The following HHAT variants were observed in gnomAD, a reference collection of about 807,000 sequenced individuals.
HHAT encodes protein-cysteine N-palmitoyltransferase HHAT.
A neutral mutation model predicts 70.8 loss-of-function variants in HHAT; 47 were observed. The observed-to-expected ratio is 0.66, with a 90% CI of 0.53 to 0.85. The LOEUF (loss-of-function observed/expected upper bound fraction) is 0.85. Ranked by LOEUF, HHAT falls within the 40% of genes least tolerant of loss-of-function variation. The pLI is 0.00. For missense variants in HHAT, 609 were observed against 604.8 expected, an observed-to-expected ratio of 1.01 and a Z score of -0.07; for synonymous variants, 228 against 247.6, an observed-to-expected ratio of 0.92 and a Z score of 0.74.
chr1:210,546,843 C>T (rs143832132), intron 9 of HHAT, among the ~76,000 whole-genome samples: 25 of 152,136 alleles, frequency 1.6e-4, no homozygotes, highest in African/African-American at 5.3e-4. Context: ...AAAGTCCAAG[C>T]GACAGACTTG....
At chr1:210,558,164 A>G (rs2095589592) in intron 9 of HHAT, among the ~76,000 whole-genome samples, 1 of 152,160 alleles carries the variant, frequency 6.6e-6, no homozygotes, top group Non-Finnish European at 1.5e-5. Flanking sequence ...TTCCCATAAC[A>G]CCTAACACAG....
intron 9 of HHAT, among the ~76,000 whole-genome samples, chr1:210,566,085 A>G (rs971867886): frequency 5.3e-5 from 8 of 152,144 alleles, no homozygotes; most frequent in Admixed American, 5.2e-4. Context: ...TGGATACTTT[A>G]TCTAGATCTG....
At chr1:210,459,350 A>G (rs1241535152) in intron 7 of HHAT, among the ~76,000 whole-genome samples, 3 of 152,192 alleles carry the variant, frequency 2.0e-5, no homozygotes, top group African/African-American at 7.2e-5. Context: ...AAGGTGAATT[A>G]TTCATTCAGT....
chr1:210,474,649 A>G (rs1430777250), intron 8 of HHAT, among the ~76,000 whole-genome samples: 2 of 152,014 alleles, frequency 1.3e-5, no homozygotes, highest in African/African-American at 2.4e-5. Context: ...TAAAATGTAA[A>G]TGTTGCCATT....
intron 8 of HHAT, among the ~76,000 whole-genome samples, chr1:210,501,005 C>G (rs534878149): frequency 2.0e-5 from 3 of 152,338 alleles, no homozygotes; most frequent in African/African-American, 7.2e-5. Flanking sequence ...CCTCTCCTGC[C>G]CTCCCCCATG....
At chr1:210,647,417 C>T (rs1174620991) in intron 11 of HHAT, among the ~76,000 whole-genome samples, 1 of 152,186 alleles carries the variant, frequency 6.6e-6, no homozygotes, top group Non-Finnish European at 1.5e-5. Flanking sequence ...TGGTCCTTTT[C>T]CCCATTCCAC....
chr1:210,632,155 A>C (rs1670991036), intron 11 of HHAT, among the ~76,000 whole-genome samples: 2 of 152,218 alleles, frequency 1.3e-5, no homozygotes, highest in African/African-American at 4.8e-5. Context: ...CATGGAAAAG[A>C]GTGTGTTACG....
At chr1:210,497,684 C>T (rs1268061429) in intron 8 of HHAT, among the ~76,000 whole-genome samples, 1 of 151,990 alleles carries the variant, frequency 6.6e-6, no homozygotes, top group African/African-American at 2.4e-5. Flanking sequence ...GGAGGATGTG[C>T]TGTTTTCAGT....
intron 11 of HHAT, among the ~76,000 whole-genome samples, chr1:210,635,500 G>T (rs190181471): frequency 6.6e-5 from 10 of 152,148 alleles, no homozygotes; most frequent in Admixed American, 3.3e-4. Context: ...AGTACTAGGC[G>T]CAGGGTGATC....
intron 2 of HHAT, among the ~76,000 whole-genome samples, chr1:210,352,869 C>T (rs1348364727): frequency 6.6e-6 from 1 of 151,922 alleles, no homozygotes; most frequent in Admixed American, 6.6e-5. Flanking sequence ...GGCTAATCCA[C>T]AGCTGTTGCA....
chr1:210,360,435 C>T (rs1027319225), intron 2 of HHAT, among the ~76,000 whole-genome samples: 9 of 151,912 alleles, frequency 5.9e-5, no homozygotes, highest in African/African-American at 1.9e-4. Context: ...CTCAGCCTCC[C>T]GAGTAGCTGG....
intron 11 of HHAT, among the ~76,000 whole-genome samples, chr1:210,654,280 C>T (rs1479370096): frequency 8.8e-6 from 1 of 113,516 alleles, no homozygotes; most frequent in Non-Finnish European, 1.9e-5. Flanking sequence ...AGAATCAAGG[C>T]AGTCCCCATT....
At chr1:210,460,230 C>T (rs1391643574) in intron 7 of HHAT, among the ~76,000 whole-genome samples, 4 of 152,164 alleles carry the variant, frequency 2.6e-5, no homozygotes, top group Non-Finnish European at 5.9e-5. Context: ...CAGATTTACT[C>T]TTGCTGGGGG....
intron 6 of HHAT, among the ~76,000 whole-genome samples, chr1:210,406,847 T>A (rs966273391): frequency 2.6e-5 from 4 of 152,210 alleles, no homozygotes; most frequent in Admixed American, 2.6e-4. Flanking sequence ...AGGGGCAGGT[T>A]GCTTCCTGTA....
intron 4 of HHAT, among the ~76,000 whole-genome samples, chr1:210,399,227 CA>C (rs535150058): frequency 4.7e-4 from 71 of 152,242 alleles, no homozygotes; most frequent in South Asian, 2.7e-3. Flanking sequence ...CCTGTGTATC[CA>C]CCCCATGAAG....
chr1:210,533,026 G>A (rs1376267984), intron 9 of HHAT, among the ~76,000 whole-genome samples: 1 of 152,030 alleles, frequency 6.6e-6, no homozygotes, highest in Non-Finnish European at 1.5e-5. Context: ...GTTGAGTCTT[G>A]CTCTCTCACT....
chr1:210,664,841 T>G (rs1678550532), intron 11 of HHAT, among the ~76,000 whole-genome samples: 1 of 152,196 alleles, frequency 6.6e-6, no homozygotes, highest in Non-Finnish European at 1.5e-5. Context: ...TATCATTCTT[T>G]TAATGTCAGG....
At chr1:210,596,065 T>A (rs1252706033) in intron 10 of HHAT, among the ~76,000 whole-genome samples, 1 of 152,200 alleles carries the variant, frequency 6.6e-6, no homozygotes, top group African/African-American at 2.4e-5. Context: ...CTGAATGGTA[T>A]TGCCTAGGTT....
chr1:210,405,297 TC>T (rs1238727052), intron 6 of HHAT, among the ~76,000 whole-genome samples: 3 of 152,066 alleles, frequency 2.0e-5, no homozygotes, highest in Non-Finnish European at 4.4e-5. Flanking sequence ...CCTCTGTTGT[TC>T]CCCCCTACTT....
Sources: allele counts gnomAD v4.1 joint callset (sites outside exome capture counted in the v4.1 genomes callset), GRCh38; gene constraint gnomAD v4.1.1; transcripts MANE v1.5; gene names NCBI Gene and HGNC (gene_info 2026-07-23, HGNC 2026-07-21).